PTPDC1: variants seen among roughly 807,000 people sequenced by gnomAD.
PTPDC1 encodes the protein protein tyrosine phosphatase domain-containing protein 1.
In PTPDC1, 53 loss-of-function variants were observed where a neutral mutation model predicts 75.3. That is an observed-to-expected ratio of 0.70 (90% confidence interval 0.56 to 0.88). The LOEUF is 0.88. PTPDC1 is among the 40% of genes least tolerant of loss of function. The probability of loss-of-function intolerance (pLI) is 0.00; values close to 1 mark genes in which losing one functional copy is unlikely to be tolerated. For missense variants in PTPDC1, 925 were observed against 998.6 expected, an observed-to-expected ratio of 0.93 and a Z score of 0.99; for synonymous variants, 349 against 366.2, an observed-to-expected ratio of 0.95 and a Z score of 0.54.
upstream of PTPDC1, among the ~76,000 whole-genome samples, chr9:94,079,647 A>G (rs1301164500): frequency 7.2e-5 from 11 of 152,204 alleles, no homozygotes; most frequent in South Asian, 2.1e-3. Context: ...ATTGTTTTTG[A>G]AAGCTTGAAC....
intron 2 of PTPDC1, among the ~76,000 whole-genome samples, chr9:94,070,717 C>G (rs1432192722): frequency 6.6e-6 from 1 of 152,158 alleles, no homozygotes; most frequent in African/African-American, 2.4e-5. Flanking sequence ...TTCCCCAGTT[C>G]TATAATTTTG....
chr9:94,067,626 C>G (rs1343568014), intron 2 of PTPDC1, among the ~76,000 whole-genome samples: 1 of 152,040 alleles, frequency 6.6e-6, no homozygotes, highest in East Asian at 1.9e-4. Flanking sequence ...GCTTCAATCT[C>G]TTTTCTTTTT....
intron 3 of PTPDC1, 104 bp from the exon 4 acceptor site, chr9:94,088,041 T>A (rs1827140320): frequency 1.3e-6 from 2 of 1,482,602 alleles, no homozygotes; most frequent in East Asian, 4.5e-5. Context: ...AAATGAGAAA[T>A]TAAGATTTTT....
At chr9:94,037,280 C>T (rs1039121851) in intron 1 of PTPDC1, among the ~76,000 whole-genome samples, 8 of 152,068 alleles carry the variant, frequency 5.3e-5, no homozygotes, top group African/African-American at 1.7e-4. Flanking sequence ...TTATTTTATT[C>T]TGTTCCCAAT....
rs747433050 is a variant in PTPDC1 at position 94,085,240 on chromosome 9, A to G, written c.245-11A>G. On this transcript the variant is annotated splice_polypyrimidine_tract_variant and intron_variant, in intron 1 of 8. Transcript: ENST00000620992. ...TGGAATTTTGAATTTTCCTTTCCTTATATGTTCTAGGAAATTTAGAACGTC... is the reference window on the plus strand; with the variant it reads ...TGGAATTTTGAATTTTCCTTTCCTTGTATGTTCTAGGAAATTTAGAACGTC... The G allele has an allele frequency of 8.1e-6, 13 of 1,607,812 alleles. No homozygotes were observed. The highest frequency in any genetic ancestry group is 1.7e-4 in the Middle Eastern group (1 of 6,054).
intron 2 of PTPDC1, among the ~76,000 whole-genome samples, chr9:94,067,727 G>A (rs1228978426): frequency 5.3e-5 from 8 of 151,952 alleles, no homozygotes; most frequent in Admixed American, 2.6e-4. Flanking sequence ...TCAGCCTCCC[G>A]AGTAGCTGGG....
At chr9:94,061,939 G>A (rs1826154374) in intron 1 of PTPDC1, among the ~76,000 whole-genome samples, 1 of 152,220 alleles carries the variant, frequency 6.6e-6, no homozygotes, top group African/African-American at 2.4e-5. Context: ...CAGCCTGCTT[G>A]AATTGCTCTC....
chr9:94,106,523 A>G lies in PTPDC1; in HGVS notation c.2311-1305A>G, dbSNP rs547036749. 5.3e-5 allele frequency among the ~76,000 whole-genome samples: 8 copies of G among 152,250 alleles called. No individual in the cohort carries two copies. In the East Asian group the frequency reaches 5.8e-4, roughly 11 times the overall value. ...GCATTGCCTCCATGAGACTTGAGAG[A>G]CAAGGAGAACCCATGTGAACATGAA... On this transcript the variant is annotated intron_variant, in intron 8 of 8. Coordinates refer to ENST00000620992, the MANE Select transcript of PTPDC1 (RefSeq NM_001253829.2).
At chr9:94,058,758 G>T (rs1466252939) in intron 1 of PTPDC1, among the ~76,000 whole-genome samples, 1 of 151,772 alleles carries the variant, frequency 6.6e-6, no homozygotes, top group African/African-American at 2.4e-5. Context: ...GGAGGCCCAG[G>T]CGGGTAAATC....
chr9:94,067,872 G>A (rs1322659642), intron 2 of PTPDC1, among the ~76,000 whole-genome samples: 2 of 152,180 alleles, frequency 1.3e-5, no homozygotes, highest in African/African-American at 2.4e-5. Flanking sequence ...AAAGTGTTAG[G>A]ATTACAGGCG....
intron 1 of PTPDC1, among the ~76,000 whole-genome samples, chr9:94,032,375 T>G (rs1829744937): frequency 6.6e-6 from 1 of 152,152 alleles, no homozygotes; most frequent in East Asian, 1.9e-4. Flanking sequence ...TAAGAACAAT[T>G]GTTCTAGTCT....
chr9:94,100,874 T>C (rs1827812023), intron 6 of PTPDC1: 1 of 152,224 alleles, frequency 6.6e-6, no homozygotes, highest in Admixed American at 6.5e-5. Context: ...CTCTGTGAGG[T>C]AAAGTATTAA....
At chr9:94,100,510 T>G (rs1227252037) in intron 6 of PTPDC1, 1 of 152,236 alleles carries the variant, frequency 6.6e-6, no homozygotes, top group Non-Finnish European at 1.5e-5. Flanking sequence ...CCTTGTGGCA[T>G]AATAGAAACA....
intron 1 of PTPDC1, among the ~76,000 whole-genome samples, chr9:94,045,930 C>G (rs1294142396): frequency 3.9e-5 from 6 of 152,144 alleles, no homozygotes; most frequent in Non-Finnish European, 5.9e-5. Context: ...ATGCTTATGT[C>G]CTGAATGGTA....
intron 8 of PTPDC1, among the ~76,000 whole-genome samples, 191 bp from the exon 9 acceptor site, chr9:94,107,637 T>C (rs1193691981): frequency 1.3e-5 from 2 of 152,246 alleles, no homozygotes; most frequent in Non-Finnish European, 2.9e-5. Context: ...TTTTCATTCA[T>C]AAGTTTGATA....
upstream of PTPDC1, among the ~76,000 whole-genome samples, chr9:94,082,548 G>T (rs1826918752): frequency 1.3e-5 from 2 of 152,150 alleles, no homozygotes; most frequent in South Asian, 4.1e-4. Flanking sequence ...ATCTCATTTT[G>T]TTCCTTAAAT....
intron 1 of PTPDC1, among the ~76,000 whole-genome samples, chr9:94,056,225 T>G (rs1825929678): frequency 6.6e-6 from 1 of 152,218 alleles, no homozygotes; most frequent in African/African-American, 2.4e-5. Flanking sequence ...GGTGTAAGCT[T>G]ATGTGATTTA....
chr9:94,033,699 CTCTT>C (rs1829770397), intron 1 of PTPDC1, among the ~76,000 whole-genome samples: 1 of 152,200 alleles, frequency 6.6e-6, no homozygotes, highest in Admixed American at 6.5e-5. Flanking sequence ...CTCTCTCACT[CTCTT>C]TAGAGCAAAT....
intron 1 of PTPDC1, among the ~76,000 whole-genome samples, chr9:94,035,097 C>T (rs1436201565): frequency 6.6e-6 from 1 of 152,158 alleles, no homozygotes; most frequent in African/African-American, 2.4e-5. Flanking sequence ...ACATTTTCTC[C>T]ACTTCCTTGA....
Sources: gnomAD v4.1 joint callset for allele counts (sites outside exome capture counted in the v4.1 genomes callset) on GRCh38, gnomAD v4.1.1 for gene constraint, MANE v1.5 for transcripts, NCBI Gene and HGNC (gene_info 2026-07-23, HGNC 2026-07-21) for gene names.